Variants in IMMP2L observed in about 807,000 individuals in gnomAD.
IMMP2L encodes mitochondrial inner membrane protease subunit 2.
A neutral mutation model predicts 19.3 loss-of-function variants in IMMP2L; 18 were observed. The ratio of observed to expected loss-of-function variants is 0.93; its 90% CI spans 0.64 to 1.38. IMMP2L has a LOEUF of 1.38. IMMP2L is among the 40% of genes most tolerant of loss of function. IMMP2L has a pLI of 0.00. For missense variants in IMMP2L, 233 were observed against 218.2 expected, an observed-to-expected ratio of 1.07 and a Z score of -0.43; for synonymous variants, 76 against 73.0, an observed-to-expected ratio of 1.04 and a Z score of -0.21.
chr7:110,920,425 GA>G (rs1814138241), intron 4 of IMMP2L, among the ~76,000 whole-genome samples: 1 of 152,126 alleles, frequency 6.6e-6, no homozygotes. Flanking sequence ...GGGAATTAGG[GA>G]ACATTTCACA....
intron 3 of IMMP2L, among the ~76,000 whole-genome samples, chr7:111,087,758 G>A (rs1421134348): frequency 6.6e-6 from 1 of 152,118 alleles, no homozygotes; most frequent in African/African-American, 2.4e-5. Flanking sequence ...GCGATAAAGA[G>A]TGCTATTGTG....
intron 3 of IMMP2L, among the ~76,000 whole-genome samples, chr7:111,243,547 G>C (rs144397058): frequency 0.43 from 60,859 of 140,248 alleles, 13,888 homozygotes; most frequent in Non-Finnish European, 0.52. Context: ...CTAAGTTTTA[G>C]GGTACATGTG....
At chr7:111,117,063 A>T (rs1799963604) in intron 3 of IMMP2L, among the ~76,000 whole-genome samples, 1 of 152,012 alleles carries the variant, frequency 6.6e-6, no homozygotes, top group African/African-American at 2.4e-5. Flanking sequence ...AAAAAGATAA[A>T]ATAGAAATAA....
intron 5 of IMMP2L, among the ~76,000 whole-genome samples, chr7:110,818,747 T>A (rs1802763686): frequency 6.6e-6 from 1 of 151,948 alleles, no homozygotes; most frequent in African/African-American, 2.4e-5. Flanking sequence ...TAAGAAAATG[T>A]GGCACATATA....
At chr7:110,723,233 A>G (rs1448855813) in intron 5 of IMMP2L, among the ~76,000 whole-genome samples, 1 of 152,180 alleles carries the variant, frequency 6.6e-6, no homozygotes, top group Non-Finnish European at 1.5e-5. Flanking sequence ...CTTCTCCAAT[A>G]GGGACAGAAG....
chr7:111,083,041 C>T (rs1422623586), intron 3 of IMMP2L, among the ~76,000 whole-genome samples: 1 of 152,120 alleles, frequency 6.6e-6, no homozygotes, highest in Non-Finnish European at 1.5e-5. Flanking sequence ...GCTATTAAAA[C>T]AGGGTGCAAA....
At chr7:110,721,730 A>G (rs983305891) in intron 5 of IMMP2L, among the ~76,000 whole-genome samples, 2 of 152,140 alleles carry the variant, frequency 1.3e-5, no homozygotes, top group African/African-American at 4.8e-5. Context: ...CTGAATGACA[A>G]TGTTAATTCA....
intron 5 of IMMP2L, among the ~76,000 whole-genome samples, chr7:110,802,331 ATGTGTGTGTGTGTG>A (rs10545848): frequency 0.012 from 1,707 of 147,048 alleles, 22 homozygotes; most frequent in Middle Eastern, 0.034. Flanking sequence ...GTATGTGTGT[ATGTGTGTGTGTGTG>A]TGTGTGTGTG....
intron 5 of IMMP2L, among the ~76,000 whole-genome samples, chr7:110,695,463 A>G (rs1012866658): frequency 3.3e-5 from 5 of 152,142 alleles, no homozygotes; most frequent in Non-Finnish European, 7.4e-5. Context: ...AAGTGCTGGG[A>G]TTACAGGCAT....
At chr7:111,348,708 G>A (rs1385368987) in intron 3 of IMMP2L, among the ~76,000 whole-genome samples, 1 of 152,092 alleles carries the variant, frequency 6.6e-6, no homozygotes, top group Non-Finnish European at 1.5e-5. Context: ...AGACTTGTGT[G>A]ATAGTCTTTA....
chr7:111,303,834 T>G (rs1172576688), intron 3 of IMMP2L, among the ~76,000 whole-genome samples: 1 of 151,934 alleles, frequency 6.6e-6, no homozygotes, highest in Admixed American at 6.6e-5. Context: ...CATCATTTAA[T>G]GTGCAATAAA....
chr7:111,295,470 G>A (rs1821529032), intron 3 of IMMP2L, among the ~76,000 whole-genome samples: 1 of 151,788 alleles, frequency 6.6e-6, no homozygotes, highest in Admixed American at 6.6e-5. Context: ...TAAGAGTGCA[G>A]GTTTCCCTTT....
intron 5 of IMMP2L, among the ~76,000 whole-genome samples, chr7:110,722,177 G>C (rs955552707): frequency 6.6e-6 from 1 of 152,082 alleles, no homozygotes; most frequent in African/African-American, 2.4e-5. Flanking sequence ...AAGCAGAATA[G>C]GGTGGGGATG....
At position 110,727,848 on chromosome 7, in the gene IMMP2L, C is replaced by T. The variant is rs1796002197; in HGVS notation, c.409-64127G>A. Among the ~76,000 whole-genome samples the T allele has an allele frequency of 1.3e-5, 2 of 152,174 alleles. No individual in the cohort carries two copies. Among genetic ancestry groups the T allele is most frequent in the South Asian group, 4.1e-4 (2 of 4,828 alleles). ...AATTGCTTCACCGAGTGGATTTAAACAGATATGAGGTAAATTTTTACAAAT... is the reference window on the plus strand; with the variant it reads ...AATTGCTTCACCGAGTGGATTTAAATAGATATGAGGTAAATTTTTACAAAT... On this transcript the variant is annotated intron_variant, in intron 5 of 5. Coordinates refer to ENST00000405709, the MANE Select transcript of IMMP2L (RefSeq NM_032549.4). The surrounding 1 kb of genome is among the most constrained non-coding windows in gnomAD (Gnocchi z 4.3).
intron 5 of IMMP2L, among the ~76,000 whole-genome samples, chr7:110,857,073 G>A (rs1418191198): frequency 2.0e-5 from 3 of 152,066 alleles, no homozygotes; most frequent in Non-Finnish European, 2.9e-5. Flanking sequence ...GACCTGCAAA[G>A]GGTCATCATT....
At chr7:111,394,310 C>T (rs1014351746) in intron 3 of IMMP2L, among the ~76,000 whole-genome samples, 4 of 152,066 alleles carry the variant, frequency 2.6e-5, no homozygotes, top group Non-Finnish European at 4.4e-5. Flanking sequence ...AAGCATTTAG[C>T]ATTAAATGTA....
intron 5 of IMMP2L, among the ~76,000 whole-genome samples, chr7:110,687,520 C>G (rs910970984): frequency 6.6e-6 from 1 of 151,994 alleles, no homozygotes; most frequent in Non-Finnish European, 1.5e-5. Context: ...TTAGACAATA[C>G]TTAGGAAGTT....
At chr7:110,987,101 G>A (rs533997729) in intron 3 of IMMP2L, among the ~76,000 whole-genome samples, 1 of 152,012 alleles carries the variant, frequency 6.6e-6, no homozygotes, top group Non-Finnish European at 1.5e-5. Flanking sequence ...CCAATTTCAA[G>A]AATTCATCAC....
At chr7:111,268,301 G>A (rs1357601532) in intron 3 of IMMP2L, among the ~76,000 whole-genome samples, 1 of 151,934 alleles carries the variant, frequency 6.6e-6, no homozygotes, top group Non-Finnish European at 1.5e-5. Context: ...GAACTCAAGA[G>A]TATTAGATGT....
Sources: allele counts gnomAD v4.1 joint callset (sites outside exome capture counted in the v4.1 genomes callset), GRCh38; gene constraint gnomAD v4.1.1; non-coding constraint Gnocchi (gnomAD v3.1); transcripts MANE v1.5; gene names NCBI Gene and HGNC (gene_info 2026-07-23, HGNC 2026-07-21).